Variants in CACNA2D3 observed in about 807,000 individuals in gnomAD.
The protein encoded by CACNA2D3 is voltage-dependent calcium channel subunit alpha-2/delta-3.
CACNA2D3 carries 60 observed loss-of-function variants against 160.6 expected under a neutral mutation model. The observed-to-expected ratio is 0.37, with a 90% CI of 0.30 to 0.46. CACNA2D3 has a LOEUF of 0.46. CACNA2D3 is among the 20% of genes least tolerant of loss of function. The pLI is 1.00. For missense variants in CACNA2D3, 1,205 were observed against 1,365.0 expected (o/e 0.88, Z 1.85); for synonymous variants, 558 against 492.9 (o/e 1.13, Z -1.75).
chr3:54,150,164 T>C (rs1700120688), intron 2 of CACNA2D3, among the ~76,000 whole-genome samples: 1 of 151,634 alleles, frequency 6.6e-6, no homozygotes, highest in Non-Finnish European at 1.5e-5. Context: ...TGGTGGTCTC[T>C]AGGGAGACAA....
Position 54,503,666 on chromosome 3 carries a change from A to T in CACNA2D3, c.544+12A>T. ...CATGTACAACAAAGGTAAGACTCCC[A>T]GCCACTGCTCCTTTTAGAAGGTGAA... On this transcript the variant is annotated intron_variant, in intron 5 of 37. Transcript: ENST00000474759. 2 of 1,611,976 alleles carry T rather than the reference A, an allele frequency of 1.2e-6. No homozygotes were observed. The highest frequency in any genetic ancestry group is 1.7e-6 in the Non-Finnish European group (2 of 1,178,252).
rs1197293592 is a variant in CACNA2D3 at position 54,890,363 on chromosome 3, G to T, written c.2151-992G>T. ...TACAAAAAATAAGCCAGGCGTGGTG[G>T]TAGGCGCCTGTAGTCCCAGCTACTC... On this transcript the variant is annotated intron_variant, in intron 24 of 37. Transcript: ENST00000474759. Among the ~76,000 whole-genome samples the T allele has an allele frequency of 5.9e-5, 9 of 152,032 alleles. No homozygotes were observed. The South Asian group carries it at 1.9e-3, about 32-fold the overall frequency.
At chr3:54,742,008 A>G (rs1314338042) in intron 11 of CACNA2D3, among the ~76,000 whole-genome samples, 2 of 152,182 alleles carry the variant, frequency 1.3e-5, no homozygotes, top group South Asian at 2.1e-4. Context: ...CTAGGACTAC[A>G]GGCGAGTACC....
Position 54,813,249 on chromosome 3 carries a change from T to G in CACNA2D3, c.1381-3604T>G, listed in dbSNP as rs569140316. 1.6e-4 allele frequency among the ~76,000 whole-genome samples: 25 copies of G among 152,232 alleles called. No homozygotes were observed. The South Asian group carries it at 1.7e-3, about 10-fold the overall frequency. On this transcript the variant is annotated intron_variant, in intron 13 of 37. Transcript: ENST00000474759. The stretch of plus-strand genomic sequence containing the variant: ...CAATGCTGCCTGTCCAGACCCCTCA[T>G]GGAGTAAATGAGGAAATAGACCCAG...
chr3:54,547,316 T>C (rs889636062), intron 5 of CACNA2D3, among the ~76,000 whole-genome samples: 1 of 152,150 alleles, frequency 6.6e-6, no homozygotes, highest in African/African-American at 2.4e-5. Context: ...AAATTGGGCA[T>C]GTACTTACAA....
intron 11 of CACNA2D3, among the ~76,000 whole-genome samples, chr3:54,649,572 G>T (rs945818331): frequency 1.3e-5 from 2 of 152,254 alleles, no homozygotes; most frequent in Non-Finnish European, 2.9e-5. Context: ...GCATGGTACA[G>T]TTCTTTTTGA....
At chr3:54,186,584 C>T (rs1700882572) in intron 2 of CACNA2D3, among the ~76,000 whole-genome samples, 1 of 151,982 alleles carries the variant, frequency 6.6e-6, no homozygotes, top group Non-Finnish European at 1.5e-5. Context: ...TTCACCCAGG[C>T]CTTTACAATA....
intron 4 of CACNA2D3, among the ~76,000 whole-genome samples, chr3:54,454,677 C>G (rs1237728985): frequency 6.6e-6 from 1 of 152,076 alleles, no homozygotes; most frequent in Admixed American, 6.6e-5. Context: ...CCCTACAGTG[C>G]TATGAAACAT....
intron 9 of CACNA2D3, among the ~76,000 whole-genome samples, chr3:54,582,183 T>G (rs980514195): frequency 1.3e-5 from 2 of 152,228 alleles, no homozygotes; most frequent in African/African-American, 4.8e-5. Context: ...TGGCTCTTGC[T>G]AAGATTTCAA....
At chr3:55,060,635 A>G (rs1180137017) in intron 35 of CACNA2D3, among the ~76,000 whole-genome samples, 2 of 152,200 alleles carry the variant, frequency 1.3e-5, no homozygotes, top group African/African-American at 4.8e-5. Flanking sequence ...GTTAGCTATT[A>G]TTGTCATTAT....
chr3:55,002,261 A>G (rs371742003), intron 31 of CACNA2D3, among the ~76,000 whole-genome samples: 9 of 152,072 alleles, frequency 5.9e-5, no homozygotes, highest in Middle Eastern at 3.4e-3. Context: ...GCACATGCAC[A>G]TTCCTCTCAA....
chr3:54,264,247 A>G (rs1702461500), intron 2 of CACNA2D3, among the ~76,000 whole-genome samples: 2 of 152,182 alleles, frequency 1.3e-5, no homozygotes, highest in Non-Finnish European at 2.9e-5. Context: ...CTGTCCTTGT[A>G]TCACTTCTGT....
At chr3:54,822,337 C>G (rs1703622381) in intron 14 of CACNA2D3, among the ~76,000 whole-genome samples, 1 of 152,204 alleles carries the variant, frequency 6.6e-6, no homozygotes, top group Non-Finnish European at 1.5e-5. Context: ...TTTCCTGTAG[C>G]CAGCGTGAGA....
At chr3:54,662,669 A>T (rs980373823) in intron 11 of CACNA2D3, among the ~76,000 whole-genome samples, 1 of 152,082 alleles carries the variant, frequency 6.6e-6, no homozygotes, top group Admixed American at 6.5e-5. Flanking sequence ...CAAGGCAAGG[A>T]TTTTGCTGCG....
intron 5 of CACNA2D3, among the ~76,000 whole-genome samples, chr3:54,514,330 C>T (rs1042668052): frequency 6.6e-6 from 1 of 152,188 alleles, no homozygotes; most frequent in African/African-American, 2.4e-5. Context: ...TGCAAAAAGG[C>T]TCTTCTCCTT....
chr3:54,379,003 A>G (rs1188062662), intron 3 of CACNA2D3, among the ~76,000 whole-genome samples: 7 of 152,204 alleles, frequency 4.6e-5, no homozygotes, highest in African/African-American at 1.2e-4. Context: ...ATTGATTGTG[A>G]TCATGTCTTC....
intron 13 of CACNA2D3, among the ~76,000 whole-genome samples, chr3:54,812,219 C>G (rs1417550498): frequency 1.3e-5 from 2 of 152,308 alleles, no homozygotes; most frequent in African/African-American, 2.4e-5. Context: ...AGCCATTTAA[C>G]TGCTTATATC....
intron 13 of CACNA2D3, among the ~76,000 whole-genome samples, chr3:54,790,629 C>A (rs1279825970): frequency 6.6e-6 from 1 of 152,156 alleles, no homozygotes; most frequent in East Asian, 1.9e-4. Context: ...ACACCTTTTC[C>A]TGTACTCCAG....
chr3:54,488,825 A>G (rs1701060921), intron 4 of CACNA2D3, among the ~76,000 whole-genome samples: 1 of 152,120 alleles, frequency 6.6e-6, no homozygotes. Flanking sequence ...CACTCAGATA[A>G]GTGTGCGATG....
Sources: gnomAD v4.1 joint callset for allele counts (sites outside exome capture counted in the v4.1 genomes callset) on GRCh38, gnomAD v4.1.1 for gene constraint, MANE v1.5 for transcripts, NCBI Gene and HGNC (gene_info 2026-07-23, HGNC 2026-07-21) for gene names.